The following ROBO1 variants were observed in gnomAD, a reference collection of about 807,000 sequenced individuals.
ROBO1 encodes the protein roundabout guidance receptor 1, also known as roundabout homolog 1.
In ROBO1, 149 loss-of-function variants were observed where a neutral mutation model predicts 195.9. The observed-to-expected ratio is 0.76, with a 90% CI of 0.67 to 0.87. ROBO1 has a LOEUF of 0.87. Among genes scored for constraint, ROBO1 ranks in the 40% least tolerant of loss-of-function variants. The pLI is 0.00. For missense variants in ROBO1, 1,933 were observed against 2,068.3 expected (o/e 0.93, Z 1.27); for synonymous variants, 816 against 733.2 (o/e 1.11, Z -1.82).
intron 3 of ROBO1, among the ~76,000 whole-genome samples, chr3:78,948,364 A>G (rs1220119038): frequency 6.6e-6 from 1 of 152,168 alleles, no homozygotes; most frequent in Non-Finnish European, 1.5e-5. Flanking sequence ...TTCAACATAC[A>G]CAAATCAATA....
chr3:79,379,461 T>G (rs1300882466), intron 2 of ROBO1, among the ~76,000 whole-genome samples: 1 of 152,166 alleles, frequency 6.6e-6, no homozygotes, highest in African/African-American at 2.4e-5. Flanking sequence ...GTAGGCATTA[T>G]CCCTTCAGGT....
intron 2 of ROBO1, among the ~76,000 whole-genome samples, chr3:79,445,734 T>C (rs534911140): frequency 8.6e-5 from 13 of 150,314 alleles, no homozygotes; most frequent in African/African-American, 3.2e-4. Context: ...CGATATCGGC[T>C]CACTGCAAGC....
At chr3:79,691,097 C>T (rs2107078822) in intron 1 of ROBO1, among the ~76,000 whole-genome samples, 1 of 151,928 alleles carries the variant, frequency 6.6e-6, no homozygotes, top group Non-Finnish European at 1.5e-5. Context: ...GATATAAACC[C>T]AGGTCTGGAA....
At chr3:79,731,413 T>C (rs1703144302) in intron 1 of ROBO1, among the ~76,000 whole-genome samples, 1 of 152,084 alleles carries the variant, frequency 6.6e-6, no homozygotes, top group Non-Finnish European at 1.5e-5. Context: ...TCTCCAAGGC[T>C]TGGATGGGGC....
intron 2 of ROBO1, among the ~76,000 whole-genome samples, chr3:79,439,697 G>A (rs557040568): frequency 4.9e-4 from 74 of 151,998 alleles, no homozygotes; most frequent in African/African-American, 1.8e-3. Context: ...CTCTTTTACC[G>A]CAATACATCA....
At chr3:79,589,791 TA>T in intron 2 of ROBO1, 32 bp downstream of exon 2, 1 of 1,480,194 alleles carries the variant, frequency 6.8e-7, no homozygotes, top group Non-Finnish European at 9.4e-7. Flanking sequence ...GAATACTGGT[TA>T]AGTATTGATG....
At chr3:78,646,959 G>A (rs958988434) in intron 20 of ROBO1, among the ~76,000 whole-genome samples, 3 of 152,000 alleles carry the variant, frequency 2.0e-5, no homozygotes, top group Non-Finnish European at 4.4e-5. Context: ...GAAGAAATGT[G>A]TTTTTAAAGC....
At chr3:79,591,231 A>T (rs181858015) in intron 1 of ROBO1, among the ~76,000 whole-genome samples, 216 of 151,922 alleles carry the variant, frequency 1.4e-3, no homozygotes, top group Non-Finnish European at 8.5e-4. Flanking sequence ...TTTTTGTGAC[A>T]CTCAGAATAA....
chr3:78,804,874 T>C (rs990856766), intron 4 of ROBO1, among the ~76,000 whole-genome samples: 6 of 152,224 alleles, frequency 3.9e-5, no homozygotes, highest in Middle Eastern at 3.4e-3. Context: ...TGTCTATTGG[T>C]TGGGTTCATC....
chr3:79,656,533 C>A (rs1036306569), intron 1 of ROBO1, among the ~76,000 whole-genome samples: 38 of 152,012 alleles, frequency 2.5e-4, no homozygotes, highest in Admixed American at 1.8e-3. Flanking sequence ...AATTATCTAT[C>A]TATCTATCTA....
At chr3:79,625,643 C>T (rs1046921573) in intron 1 of ROBO1, among the ~76,000 whole-genome samples, 7 of 151,788 alleles carry the variant, frequency 4.6e-5, no homozygotes, top group Non-Finnish European at 5.9e-5. Flanking sequence ...ATACACCCTC[C>T]CAAGACTAAA....
At chr3:78,867,569 A>G (rs1381952167) in intron 4 of ROBO1, among the ~76,000 whole-genome samples, 3 of 152,200 alleles carry the variant, frequency 2.0e-5, no homozygotes, top group Non-Finnish European at 4.4e-5. Flanking sequence ...AGAATGCAGT[A>G]GAGTCTTTAA....
At chr3:79,256,501 T>C (rs1240215164) in intron 2 of ROBO1, among the ~76,000 whole-genome samples, 1 of 152,098 alleles carries the variant, frequency 6.6e-6, no homozygotes, top group African/African-American at 2.4e-5. Context: ...TGAGGAAAAA[T>C]AAGAATGTCA....
intron 2 of ROBO1, among the ~76,000 whole-genome samples, chr3:79,469,746 T>C (rs1191065384): frequency 6.6e-6 from 1 of 152,228 alleles, no homozygotes; most frequent in African/African-American, 2.4e-5. Flanking sequence ...TAATATGTAT[T>C]ATATTTTGGC....
intron 5 of ROBO1, among the ~76,000 whole-genome samples, chr3:78,721,776 T>C (rs541657336): frequency 2.6e-5 from 4 of 152,316 alleles, no homozygotes; most frequent in African/African-American, 9.6e-5. Flanking sequence ...AGTACTAATT[T>C]ACTGTTACAA....
rs184962134 is a variant in ROBO1 at position 78,783,762 on chromosome 3, C to T, written c.500-36862G>A. Among the ~76,000 whole-genome samples, 350 of 152,274 alleles carry T rather than the reference C, an allele frequency of 2.3e-3. 1 individual carries two copies. The highest frequency in any genetic ancestry group is 3.6e-3 in the Non-Finnish European group (248 of 68,018). ...CAAAACAATGGTATAAATCACATCT[C>T]CCAAGGTTGCTTTTTAGCACTCCTT... On this transcript the variant is annotated intron_variant, in intron 4 of 30. Transcript: ENST00000464233.
At chr3:79,204,095 C>T (rs999378795) in intron 2 of ROBO1, among the ~76,000 whole-genome samples, 5 of 151,930 alleles carry the variant, frequency 3.3e-5, no homozygotes, top group African/African-American at 7.3e-5. Flanking sequence ...TATTTATGTA[C>T]GATAGTTGTA....
At chr3:78,639,089 T>G (rs538611232) in intron 22 of ROBO1, among the ~76,000 whole-genome samples, 1 of 151,430 alleles carries the variant, frequency 6.6e-6, no homozygotes, top group Admixed American at 6.6e-5. Context: ...GAGGTTGCAG[T>G]GAGCTGAGAT....
intron 4 of ROBO1, among the ~76,000 whole-genome samples, chr3:78,810,563 T>C (rs184850606): frequency 6.6e-6 from 1 of 152,330 alleles, no homozygotes; most frequent in East Asian, 1.9e-4. Context: ...GTATGCATTT[T>C]ATTTTAAGGA....
Sources: allele counts gnomAD v4.1 joint callset (sites outside exome capture counted in the v4.1 genomes callset), GRCh38; gene constraint gnomAD v4.1.1; transcripts MANE v1.5; gene names NCBI Gene and HGNC (gene_info 2026-07-23, HGNC 2026-07-21).